The following ZNF33A variants were observed in gnomAD, a reference collection of about 807,000 sequenced individuals.
ZNF33A encodes the protein zinc finger protein 33A.
In ZNF33A, 9 loss-of-function variants were observed where a neutral mutation model predicts 15.9. The observed-to-expected ratio is 0.57, with a 90% CI of 0.34 to 0.99. ZNF33A has a LOEUF of 0.99. Ranked by LOEUF, ZNF33A falls within the 50% of genes least tolerant of loss-of-function variation. The probability of loss-of-function intolerance (pLI) is 0.02; values close to 1 mark genes in which losing one functional copy is unlikely to be tolerated. For synonymous variants in ZNF33A, 294 were observed against 324.2 expected (o/e 0.91, Z 1.00); for missense variants, 843 against 941.6 (o/e 0.90, Z 1.37).
downstream of ZNF33A, among the ~76,000 whole-genome samples, chr10:38,063,555 C>G (rs1392439254): frequency 6.6e-6 from 1 of 152,142 alleles, no homozygotes; most frequent in South Asian, 2.1e-4. Flanking sequence ...TTGTCATGTT[C>G]TCTGTCTACA....
intron 2 of ZNF33A, among the ~76,000 whole-genome samples, chr10:38,015,578 C>T (rs1160153341): frequency 6.6e-6 from 1 of 152,102 alleles, no homozygotes; most frequent in African/African-American, 2.4e-5. Flanking sequence ...ACCTCAGCCT[C>T]CCAAAGTGCT....
At chr10:38,063,060 TG>T (rs1236589461), downstream of ZNF33A, among the ~76,000 whole-genome samples, 1 of 145,332 alleles carries the variant, frequency 6.9e-6, no homozygotes, top group Non-Finnish European at 1.5e-5. Context: ...GCCGGTCATC[TG>T]GAAGTAAACA....
chr10:38,047,430 C>T (rs1016282710), intron 4 of ZNF33A, among the ~76,000 whole-genome samples: 1 of 151,648 alleles, frequency 6.6e-6, no homozygotes, highest in Non-Finnish European at 1.5e-5. Flanking sequence ...GAGATCGAGA[C>T]TATGTTGGCC....
At chr10:38,019,559 C>T (rs1277804057) in intron 4 of ZNF33A, among the ~76,000 whole-genome samples, 11 of 152,256 alleles carry the variant, frequency 7.2e-5, no homozygotes, top group South Asian at 2.1e-4. Flanking sequence ...TCTGAAACTG[C>T]GGCAGCAGGA....
Position 38,056,344 on chromosome 10 carries a change from GA to G in ZNF33A, c.2221del (p.Arg741AspfsTer32). 6.2e-7 allele frequency: 1 copy of G among 1,614,058 alleles called. No homozygotes were observed. Among genetic ancestry groups the G allele is most frequent in the Non-Finnish European group, 8.5e-7 (1 of 1,179,972 alleles). ...GTAAATCGGAACTTGCTCAACATCA[GA>G]GATCACATACAGGGGAAAAGCCCTA... is the stretch of plus-strand genomic sequence containing the variant. ...YRKSELAQHQ[R>X]SHTGEKPYEC... On this transcript the variant is annotated frameshift_variant, in exon 5 of 5. Coordinates refer to ENST00000432900, the MANE Select transcript of ZNF33A (RefSeq NM_006954.2). LOFTEE classifies it low-confidence loss of function (END_TRUNC).
intron 4 of ZNF33A, among the ~76,000 whole-genome samples, chr10:38,034,907 G>C (rs532103960): frequency 9.9e-5 from 15 of 152,018 alleles, no homozygotes; most frequent in Admixed American, 9.8e-4. Flanking sequence ...GGAAATACAC[G>C]TGTATAAACC....
chr10:38,013,047 C>T (rs888162231), intron 2 of ZNF33A, among the ~76,000 whole-genome samples: 5 of 152,170 alleles, frequency 3.3e-5, no homozygotes, highest in African/African-American at 4.8e-5. Flanking sequence ...ATTTTTATTT[C>T]ACACAGGTTC....
chr10:38,049,565 T>C (rs371391660), intron 4 of ZNF33A, among the ~76,000 whole-genome samples: 12 of 152,256 alleles, frequency 7.9e-5, no homozygotes, highest in South Asian at 6.2e-4. Context: ...AAATTTCACA[T>C]ATAGGGAATT....
chr10:38,065,756 G>A (rs148329279), downstream of ZNF33A, among the ~76,000 whole-genome samples: 1,084 of 151,382 alleles, frequency 7.2e-3, 12 homozygotes, highest in African/African-American at 0.026. Flanking sequence ...TTATGCCCAG[G>A]CTGGAGTGCA....
intron 4 of ZNF33A, among the ~76,000 whole-genome samples, chr10:38,033,838 G>A (rs662945): frequency 0.53 from 79,582 of 151,294 alleles, 21,222 homozygotes; most frequent in South Asian, 0.71. Flanking sequence ...TCAGCCTCCC[G>A]AGTAGCTGGG....
At chr10:38,048,063 C>T (rs1290288547) in intron 4 of ZNF33A, among the ~76,000 whole-genome samples, 1 of 152,106 alleles carries the variant, frequency 6.6e-6, no homozygotes, top group Non-Finnish European at 1.5e-5. Flanking sequence ...GTTATATACT[C>T]AGTAAAAATA....
At chr10:38,044,878 G>C (rs897363748) in intron 4 of ZNF33A, among the ~76,000 whole-genome samples, 2 of 151,966 alleles carry the variant, frequency 1.3e-5, no homozygotes, top group Non-Finnish European at 2.9e-5. Context: ...ATGTTGACCA[G>C]GTTGATCTTG....
At chr10:38,014,054 T>G (rs2064330807) in intron 2 of ZNF33A, among the ~76,000 whole-genome samples, 1 of 126,314 alleles carries the variant, frequency 7.9e-6, no homozygotes, top group African/African-American at 2.9e-5. Context: ...TTTTTTTTTT[T>G]TTTTTTTTTG....
downstream of ZNF33A, chr10:38,064,282 A>C (rs1189067654): frequency 3.2e-6 from 2 of 628,976 alleles, no homozygotes; most frequent in African/African-American, 3.7e-5. Flanking sequence ...TCTTGCAACA[A>C]ATCTGGAAAC....
At chr10:38,033,631 T>C (rs2065311434) in intron 4 of ZNF33A, among the ~76,000 whole-genome samples, 1 of 152,194 alleles carries the variant, frequency 6.6e-6, no homozygotes, top group Non-Finnish European at 1.5e-5. Flanking sequence ...TATTAATATG[T>C]ATTATACCAA....
chr10:38,051,881 A>G (rs1373811430), intron 4 of ZNF33A, among the ~76,000 whole-genome samples: 1 of 152,128 alleles, frequency 6.6e-6, no homozygotes, highest in African/African-American at 2.4e-5. Context: ...AGTCAAATCC[A>G]TATGACCATT....
chr10:38,026,352 T>C (rs2064988455), intron 4 of ZNF33A, among the ~76,000 whole-genome samples: 1 of 152,110 alleles, frequency 6.6e-6, no homozygotes. Flanking sequence ...AATTTGTTTT[T>C]GAAACAGAGT....
intron 4 of ZNF33A, among the ~76,000 whole-genome samples, chr10:38,025,937 C>G (rs1257046614): frequency 6.6e-6 from 1 of 152,102 alleles, no homozygotes; most frequent in Non-Finnish European, 1.5e-5. Context: ...ACTCATTCCC[C>G]CCTCCTGCCA....
At position 38,057,177 on chromosome 10, in the gene ZNF33A, T is replaced by G; in HGVS notation, c.*617T>G. On this transcript the variant is annotated 3_prime_UTR_variant, in exon 5 of 5. Coordinates refer to ENST00000432900, the MANE Select transcript of ZNF33A (RefSeq NM_006954.2). ...ATCAAACTTTTACGACTTTTACATTTGAGTAACCATCAACACGATTAGTTT... is the reference window on the plus strand; with the variant it reads ...ATCAAACTTTTACGACTTTTACATTGGAGTAACCATCAACACGATTAGTTT... The G allele has an allele frequency of 3.1e-6, 3 of 976,630 alleles. No homozygotes were observed. The South Asian group carries it at 1.4e-4, about 46-fold the overall frequency. The allele number at this position is 976,630 out of a possible 1,614,324, so 60.5% of individuals were successfully genotyped here. A position where few individuals can be genotyped will look rare whatever the true frequency, so the allele number is the denominator to read the frequency against.
Sources: gnomAD v4.1 joint callset for allele counts (sites outside exome capture counted in the v4.1 genomes callset) on GRCh38, gnomAD v4.1.1 for gene constraint, MANE v1.5 for transcripts, NCBI Gene and HGNC (gene_info 2026-07-23, HGNC 2026-07-21) for gene names.